The following PPP1R12B variants were observed in gnomAD, a reference collection of about 807,000 sequenced individuals.
PPP1R12B encodes the protein myosin phosphatase target subunit 2.
A neutral mutation model predicts 126.1 loss-of-function variants in PPP1R12B; 76 were observed. The ratio of observed to expected loss-of-function variants is 0.60; its 90% CI spans 0.50 to 0.73. The LOEUF is 0.73. Among genes scored for constraint, PPP1R12B ranks in the 30% least tolerant of loss-of-function variants. PPP1R12B has a pLI of 0.00. For synonymous variants in PPP1R12B, 356 were observed against 434.7 expected (o/e 0.82, Z 2.25); for missense variants, 1,052 against 1,205.1 (o/e 0.87, Z 1.88).
At chr1:202,519,802 T>C (rs1206426485) in intron 18 of PPP1R12B, among the ~76,000 whole-genome samples, 1 of 152,202 alleles carries the variant, frequency 6.6e-6, no homozygotes, top group African/African-American at 2.4e-5. Flanking sequence ...TTTTTTCTTT[T>C]TTGGTCTTCT....
chr1:202,419,438 G>A lies in PPP1R12B; in HGVS notation c.422+2521G>A, dbSNP rs1455493286. Among the ~76,000 whole-genome samples the A allele has an allele frequency of 6.6e-6, 1 of 152,152 alleles. No individual in the cohort carries two copies. The highest frequency in any genetic ancestry group is 1.5e-5 in the Non-Finnish European group (1 of 68,022). On this transcript the variant is annotated intron_variant, in intron 2 of 23. Coordinates refer to ENST00000608999, the MANE Select transcript of PPP1R12B (RefSeq NM_002481.4). This position sits in a 1 kb window ranked among gnomAD's most constrained non-coding sequence, Gnocchi z 4.6. The stretch of plus-strand genomic sequence containing the variant: ...AACTGTAAGGATTCTCAGAGATAAA[G>A]TAGAAATTACTTCATAGGTTGATAT...
In PPP1R12B at chr1:202,438,219, G is replaced by T. The variant is rs542199086; in HGVS notation, c.1458+195G>T. On this transcript the variant is annotated intron_variant, in intron 10 of 23. Coordinates refer to ENST00000608999, the MANE Select transcript of PPP1R12B (RefSeq NM_002481.4). ...TGCTATTGTTTGCTTGACCAAAAAA[G>T]AAAATAAAAAAGCTTTAAAAATAGC... The T allele has an allele frequency of 1.1e-4, 174 of 1,567,994 alleles. No homozygotes were observed. In the African/African-American group the frequency reaches 1.6e-3, roughly 14 times the overall value.
rs1163164894 is a variant in PPP1R12B, at chr1:202,416,817, A to G, written c.322A>G (p.Lys108Glu). Residue 108 changes from lysine to glutamate, a missense_variant, in exon 2 of 24, where the codon AAG becomes GAG. Physicochemically the swap from Lys to Glu is moderately conservative, Grantham distance 56. Coordinates refer to ENST00000608999, the MANE Select transcript of PPP1R12B (RefSeq NM_002481.4). Reference protein sequence around the residue: ...ACIDENLDMVKFLVENRANVN... With the variant: ...ACIDENLDMVEFLVENRANVN... ...TATTGATGAAAATTTGGACATGGTG[A>G]AGTTTCTGGTGGAGAACAGAGCCAA... 1 of 1,613,930 alleles carries G rather than the reference A, an allele frequency of 6.2e-7. No individual in the cohort carries two copies.
Position 202,584,277 on chromosome 1 carries a change from A to C in PPP1R12B, c.*3717A>C, listed in dbSNP as rs1373922474. 6.6e-6 allele frequency: 1 copy of C among 152,124 alleles called. No homozygotes were observed. Among genetic ancestry groups the C allele is most frequent in the Non-Finnish European group, 1.5e-5 (1 of 68,024 alleles). 9.4% of individuals were successfully genotyped at this position (152,124 alleles called of 1,614,324 possible). The stretch of plus-strand genomic sequence containing the variant: ...TAGTTCCCACCCCAAGTTTAAGAAG[A>C]CTTAGATTCATTTATTGCTATCTGA... On this transcript the variant is annotated 3_prime_UTR_variant, in exon 24 of 24. Coordinates refer to ENST00000608999, the MANE Select transcript of PPP1R12B (RefSeq NM_002481.4).
chr1:202,540,296 G>A (rs776451498), intron 18 of PPP1R12B: 12 of 1,392,900 alleles, frequency 8.6e-6, no homozygotes, highest in African/African-American at 1.4e-5. Flanking sequence ...GGTAGAGAAT[G>A]TGTATATATA....
chr1:202,486,865 C>T lies in PPP1R12B; in HGVS notation c.1851-1668C>T, dbSNP rs551245583. Among the ~76,000 whole-genome samples the T allele has an allele frequency of 3.3e-5, 5 of 152,316 alleles. No homozygotes were observed. The East Asian group carries it at 9.6e-4, about 29-fold the overall frequency. ...AAACCCAGATGACTTGATTGGTGAACTCTTCCAATCATTTAAGGAGGAAAT... is the reference window on the plus strand; with the variant it reads ...AAACCCAGATGACTTGATTGGTGAATTCTTCCAATCATTTAAGGAGGAAAT... On this transcript the variant is annotated intron_variant, in intron 13 of 23. Coordinates refer to ENST00000608999, the MANE Select transcript of PPP1R12B (RefSeq NM_002481.4).
chr1:202,413,313 C>A (rs1355046689), intron 1 of PPP1R12B, among the ~76,000 whole-genome samples: 1 of 151,978 alleles, frequency 6.6e-6, no homozygotes, highest in African/African-American at 2.4e-5. Flanking sequence ...TCATTCATCC[C>A]CTTCTAGGCA....
chr1:202,555,425 ATCTTACCCAAC>A (rs1686817776), intron 18 of PPP1R12B, among the ~76,000 whole-genome samples: 1 of 149,342 alleles, frequency 6.7e-6, no homozygotes. Context: ...ATATAGTAAA[ATCTTACCCAAC>A]AAATAGGATA....
At position 202,439,242 on chromosome 1, in the gene PPP1R12B, A is replaced by G. The variant is rs568366566; in HGVS notation, c.1458+1218A>G. 139 of 1,391,136 alleles carry G rather than the reference A, an allele frequency of 1.0e-4. 1 individual carries two copies. The South Asian group carries it at 1.6e-3, about 16-fold the overall frequency. 86.2% of individuals were successfully genotyped at this position (1,391,136 alleles called of 1,614,324 possible). The stretch of plus-strand genomic sequence containing the variant: ...AGCCTCGTTGGAGCACCATCCAGAC[A>G]ATATCAAGGCTGTCCTCCACAGAGG... On this transcript the variant is annotated intron_variant, in intron 10 of 23. Transcript: ENST00000608999.
At chr1:202,431,645 G>A (rs1485293797) in intron 8 of PPP1R12B, 26 bp downstream of exon 8, 1 of 1,590,464 alleles carries the variant, frequency 6.3e-7, no homozygotes, top group East Asian at 2.3e-5. Context: ...TCATAGTGAA[G>A]ATCCTCTATC....
chr1:202,451,665 C>G (rs893862904), intron 13 of PPP1R12B, among the ~76,000 whole-genome samples: 1 of 152,150 alleles, frequency 6.6e-6, no homozygotes, highest in Non-Finnish European at 1.5e-5. Flanking sequence ...CATCATGGCC[C>G]GTTCTCAGTG....
intron 13 of PPP1R12B, among the ~76,000 whole-genome samples, chr1:202,452,426 T>C (rs939447197): frequency 4.6e-5 from 7 of 152,166 alleles, no homozygotes; most frequent in Non-Finnish European, 8.8e-5. Context: ...GGCGTGCGCC[T>C]GCAATCACAG....
intron 1 of PPP1R12B, among the ~76,000 whole-genome samples, chr1:202,384,203 A>G (rs1210982938): frequency 6.6e-6 from 1 of 152,234 alleles, no homozygotes; most frequent in African/African-American, 2.4e-5. Context: ...TCCCAGGTAT[A>G]TATTCAAAAT....
chr1:202,416,864 G>A lies in PPP1R12B; in HGVS notation c.369G>A (p.Glu123=). The change falls in exon 2 of 24, where the codon GAG becomes GAA. Residue 123 remains glutamate (E), a synonymous_variant. Coordinates refer to ENST00000608999, the MANE Select transcript of PPP1R12B (RefSeq NM_002481.4). ...NRANVNQQDN[E]GWTPLHAAAS... ...CCAATGTAAACCAGCAAGACAACGA[G>A]GGCTGGACACCCCTTCATGCAGCAG... The A allele has an allele frequency of 6.2e-7, 1 of 1,614,014 alleles. No individual in the cohort carries two copies. Among genetic ancestry groups the A allele is most frequent in the South Asian group, 1.1e-5 (1 of 91,074 alleles).
chr1:202,357,714 A>G (rs1324529974), intron 1 of PPP1R12B, among the ~76,000 whole-genome samples: 1 of 152,126 alleles, frequency 6.6e-6, no homozygotes, highest in East Asian at 1.9e-4. Context: ...TAGCACTTCC[A>G]CTGGAAGGCA....
At chr1:202,569,223 G>A in intron 23 of PPP1R12B, 26 bp downstream of exon 23, 2 of 1,602,558 alleles carry the variant, frequency 1.2e-6, no homozygotes, top group Non-Finnish European at 1.7e-6. Context: ...CTTTCTTTTT[G>A]TATGCCTGTT....
intron 13 of PPP1R12B, among the ~76,000 whole-genome samples, chr1:202,485,801 A>G (rs1253537060): frequency 2.6e-5 from 4 of 152,184 alleles, no homozygotes; most frequent in Non-Finnish European, 4.4e-5. Flanking sequence ...CTTTTTGTGG[A>G]GAGGATGGGC....
Position 202,590,655 on chromosome 1 carries a change from C to CA in PPP1R12B, c.*10097dup, listed in dbSNP as rs1259206207. On this transcript the variant is annotated 3_prime_UTR_variant, in exon 24 of 24. Transcript: ENST00000608999. ...AGTTCATTACAAAATAACAATTTGA[C>CA]AAGAGATCAGACAAGAACAAGAGTC... The CA allele has an allele frequency of 6.6e-6, 1 of 150,730 alleles. No individual in the cohort carries two copies. Among genetic ancestry groups the CA allele is most frequent in the Non-Finnish European group, 1.5e-5 (1 of 67,830 alleles). 9.3% of individuals were successfully genotyped at this position (150,730 alleles called of 1,614,324 possible). A position where few individuals can be genotyped will look rare whatever the true frequency, so the allele number is the denominator to read the frequency against.
intron 18 of PPP1R12B, among the ~76,000 whole-genome samples, chr1:202,556,014 T>C (rs1686891642): frequency 6.6e-6 from 1 of 151,996 alleles, no homozygotes; most frequent in Non-Finnish European, 1.5e-5. Context: ...TAGCTGGGAC[T>C]ACAAGCATGT....
Sources: gnomAD v4.1 joint callset for allele counts (sites outside exome capture counted in the v4.1 genomes callset) on GRCh38, gnomAD v4.1.1 for gene constraint, Gnocchi (gnomAD v3.1) non-coding constraint, MANE v1.5 for transcripts, NCBI Gene and HGNC (gene_info 2026-07-23, HGNC 2026-07-21) for gene names.